NTRK3: variants seen among roughly 807,000 people sequenced by gnomAD.
NTRK3 encodes the protein neurotrophic receptor tyrosine kinase 3.
In NTRK3, 24 loss-of-function variants were observed where a neutral mutation model predicts 91.7. The observed-to-expected ratio is 0.26, with a 90% CI of 0.19 to 0.37. The LOEUF is 0.37. NTRK3 is among the 10% of genes least tolerant of loss of function. The probability of loss-of-function intolerance (pLI) is 1.00; values close to 1 mark genes in which losing one functional copy is unlikely to be tolerated. For synonymous variants in NTRK3, 483 were observed against 404.0 expected (o/e 1.20, Z -2.34); for missense variants, 880 against 1,068.9 (o/e 0.82, Z 2.46).
intron 12 of NTRK3, among the ~76,000 whole-genome samples, chr15:88,126,791 G>C (rs1300604566): frequency 6.6e-6 from 1 of 152,174 alleles, no homozygotes; most frequent in Non-Finnish European, 1.5e-5. Flanking sequence ...CCTCCCCAGA[G>C]TAATCTTAGG....
chr15:87,891,127 A>C (rs1596110979), intron 17 of NTRK3, among the ~76,000 whole-genome samples: 1 of 152,046 alleles, frequency 6.6e-6, no homozygotes. Flanking sequence ...TATTAGAGAG[A>C]GTTTCAAAAT....
At chr15:88,114,824 T>C (rs1042298631) in intron 13 of NTRK3, among the ~76,000 whole-genome samples, 1 of 152,260 alleles carries the variant, frequency 6.6e-6, no homozygotes, top group Non-Finnish European at 1.5e-5. Context: ...CATTTGCATA[T>C]GTATCCTTTC....
At chr15:87,956,061 A>G (rs901200518) in intron 14 of NTRK3, among the ~76,000 whole-genome samples, 8 of 152,040 alleles carry the variant, frequency 5.3e-5, no homozygotes, top group Non-Finnish European at 1.0e-4. Flanking sequence ...AGGTGTGTGT[A>G]TCTAGATCTG....
At chr15:88,044,578 C>A (rs866961166) in intron 13 of NTRK3, among the ~76,000 whole-genome samples, 9 of 146,706 alleles carry the variant, frequency 6.1e-5, no homozygotes, top group South Asian at 2.2e-4. Flanking sequence ...CCCGCCCCCC[C>A]ACCCCACCAC....
intron 3 of NTRK3, among the ~76,000 whole-genome samples, chr15:88,211,895 G>GT (rs890514529): frequency 6.6e-6 from 1 of 152,140 alleles, no homozygotes; most frequent in African/African-American, 2.4e-5. Flanking sequence ...GAGTGGTTTT[G>GT]TTTTTTCTTT....
chr15:88,178,013 T>A (rs958088152), intron 5 of NTRK3, among the ~76,000 whole-genome samples: 1 of 152,240 alleles, frequency 6.6e-6, no homozygotes, highest in Non-Finnish European at 1.5e-5. Context: ...TGAACCCTGA[T>A]CTTTCTATCT....
At position 88,179,086 on chromosome 15, in the gene NTRK3, G is replaced by A. The variant is rs2046244679; in HGVS notation, c.395+4332C>T. On this transcript the variant is annotated intron_variant, in intron 5 of 18. Coordinates refer to ENST00000394480, the Ensembl canonical transcript of NTRK3. ...AATGTTTGCATCTATGAAATGGGAA[G>A]AGAGGACTCCTAACTTAGAGTTACT... Among the ~76,000 whole-genome samples the A allele has an allele frequency of 2.6e-5, 4 of 152,348 alleles. 1 individual carries two copies. The South Asian group carries it at 8.3e-4, about 32-fold the overall frequency.
At chr15:88,101,462 T>C (rs1015942458) in intron 13 of NTRK3, among the ~76,000 whole-genome samples, 1 of 152,224 alleles carries the variant, frequency 6.6e-6, no homozygotes, top group African/African-American at 2.4e-5. Flanking sequence ...AGTGTGGCGA[T>C]TCCTCAGGAA....
chr15:88,169,691 G>A (rs907116051), intron 5 of NTRK3, among the ~76,000 whole-genome samples: 1 of 152,190 alleles, frequency 6.6e-6, no homozygotes, highest in African/African-American at 2.4e-5. Flanking sequence ...TGTCAGTCTG[G>A]TTCCAGGTCT....
intron 3 of NTRK3, among the ~76,000 whole-genome samples, chr15:88,249,402 G>A (rs1181393275): frequency 6.6e-6 from 1 of 152,176 alleles, no homozygotes; most frequent in African/African-American, 2.4e-5. Context: ...CACAGTCATG[G>A]GGGAGGCTCT....
chr15:88,241,997 C>G lies in NTRK3; in HGVS notation c.248+13909G>C, dbSNP rs1312441645. 6.6e-6 allele frequency among the ~76,000 whole-genome samples: 1 copy of G among 152,164 alleles called. No individual in the cohort carries two copies. ...CGGCTTTCCCAGCTCTCCCAAGTGG[C>G]TGGCCCATCAGAGACTCTCCAATAA... On this transcript the variant is annotated intron_variant, in intron 3 of 18. Coordinates refer to ENST00000394480, the Ensembl canonical transcript of NTRK3. This position sits in a 1 kb window ranked among gnomAD's most constrained non-coding sequence, Gnocchi z 4.3.
At chr15:87,909,719 GTAAC>G (rs2066976275) in intron 17 of NTRK3, among the ~76,000 whole-genome samples, 3 of 152,174 alleles carry the variant, frequency 2.0e-5, no homozygotes, top group African/African-American at 7.2e-5. Flanking sequence ...CTTAAATGAG[GTAAC>G]TAAGGTTCAA....
At chr15:87,900,418 A>G (rs1004060022) in intron 17 of NTRK3, among the ~76,000 whole-genome samples, 4 of 152,204 alleles carry the variant, frequency 2.6e-5, no homozygotes, top group African/African-American at 7.2e-5. Context: ...TGAAAAGAGC[A>G]CTGGATTCAG....
intron 14 of NTRK3, among the ~76,000 whole-genome samples, chr15:88,002,630 G>A (rs1169182054): frequency 2.4e-5 from 3 of 126,006 alleles, no homozygotes; most frequent in African/African-American, 8.8e-5. Context: ...CTCTCACCTT[G>A]AAATAAAAAG....
At chr15:88,047,796 C>A (rs957323077) in intron 13 of NTRK3, among the ~76,000 whole-genome samples, 2 of 152,126 alleles carry the variant, frequency 1.3e-5, no homozygotes, top group Non-Finnish European at 2.9e-5. Context: ...ATTAATAGAG[C>A]CCCCTTTGGT....
At chr15:88,038,268 G>A (rs62022262) in intron 13 of NTRK3, among the ~76,000 whole-genome samples, 29,505 of 152,126 alleles carry the variant, frequency 0.19, 3,199 homozygotes, top group Middle Eastern at 0.3. Context: ...TATCCACAGC[G>A]GAAAAGAGCA....
intron 6 of NTRK3, 53 bp downstream of exon 6, chr15:88,147,282 T>A (rs553694379): frequency 3.6e-5 from 54 of 1,519,930 alleles, no homozygotes; most frequent in Non-Finnish European, 4.7e-5. Flanking sequence ...CTCCTCCCCA[T>A]CCACCCATTA....
intron 17 of NTRK3, among the ~76,000 whole-genome samples, chr15:87,920,821 G>A (rs1303628051): frequency 6.6e-6 from 1 of 152,060 alleles, no homozygotes; most frequent in East Asian, 1.9e-4. Flanking sequence ...TGGGCAATGG[G>A]GGATCCATCC....
At chr15:88,110,707 G>C (rs2051247924) in intron 13 of NTRK3, among the ~76,000 whole-genome samples, 1 of 152,214 alleles carries the variant, frequency 6.6e-6, no homozygotes, top group African/African-American at 2.4e-5. Context: ...CTCAGTCTTA[G>C]GGAGCATGGA....
Sources: allele counts gnomAD v4.1 joint callset (sites outside exome capture counted in the v4.1 genomes callset), GRCh38; gene constraint gnomAD v4.1.1; non-coding constraint Gnocchi (gnomAD v3.1); transcripts MANE v1.5; gene names NCBI Gene and HGNC (gene_info 2026-07-23, HGNC 2026-07-21).